The following SPEG variants were observed in gnomAD, a reference collection of about 807,000 sequenced individuals.
The protein encoded by SPEG is striated muscle preferentially expressed protein kinase.
In SPEG, 114 loss-of-function variants were observed where a neutral mutation model predicts 300.4. That is an observed-to-expected ratio of 0.38 (90% confidence interval 0.33 to 0.44). SPEG has a LOEUF of 0.44. SPEG is among the 20% of genes least tolerant of loss of function. The pLI is 1.00. For synonymous variants in SPEG, 1,964 were observed against 2,018.9 expected (o/e 0.97, Z 0.73); for missense variants, 4,201 against 4,586.2 (o/e 0.92, Z 2.43).
At chr2:219,478,190 G>A in intron 22 of SPEG, 85 bp downstream of exon 22, 1 of 1,206,388 alleles carries the variant, frequency 8.3e-7, no homozygotes. Context: ...ATGTTTTACA[G>A]TTTACAAAGT....
chr2:219,478,771 G>C (rs1332021036), intron 22 of SPEG, among the ~76,000 whole-genome samples: 1 of 152,188 alleles, frequency 6.6e-6, no homozygotes, highest in African/African-American at 2.4e-5. Context: ...TTCTCAAATA[G>C]AGTCAAGAAG....
At chr2:219,466,988 A>T (rs1041678769) in intron 9 of SPEG, 186 bp from the exon 10 acceptor site, 3 of 1,039,436 alleles carry the variant, frequency 2.9e-6, no homozygotes, top group African/African-American at 3.3e-5. Context: ...TTGGATTGCC[A>T]TCTCAAAGCC....
At position 219,462,655 on chromosome 2, in the gene SPEG, G is replaced by A. The variant is rs1484580037; in HGVS notation, c.2705+269G>A. ...TAAATGACTGGGTGCGGTGGCTCACGCCTGTAATCCCAGCATTTTGAGAGG... is the reference window on the plus strand; with the variant it reads ...TAAATGACTGGGTGCGGTGGCTCACACCTGTAATCCCAGCATTTTGAGAGG... On this transcript the variant is annotated intron_variant, in intron 8 of 40. Transcript: ENST00000312358. Among the ~76,000 whole-genome samples, 8 of 152,344 alleles carry A rather than the reference G, an allele frequency of 5.3e-5. 1 individual carries two copies. The highest frequency in any genetic ancestry group is 1.9e-4 in the African/African-American group (8 of 41,594).
At position 219,449,037 on chromosome 2, in the gene SPEG, C is replaced by A. The variant is rs755608022; in HGVS notation, c.1879C>A (p.Pro627Thr). Residue 627 changes from proline to threonine, a missense_variant, in exon 4 of 41, where the codon CCC (proline) becomes ACC (threonine). Around this residue, in one of 4 missense-constraint regions of SPEG, gnomAD observed 1,258 missense variants for 1,293.9 expected, o/e 0.97. Transcript: ENST00000312358. ...DPPEARTKAP[P>T]GRKREPPAQA... is the part of the protein sequence containing the mutation. ...CCCAGAGGCCAGGACGAAAGCACCC[C>A]CCGGTCGGAAGCGGGAGCCCCCGGC... is the stretch of plus-strand genomic sequence containing the variant. The A allele has an allele frequency of 6.6e-7, 1 of 1,520,148 alleles. No homozygotes were observed. The highest frequency in any genetic ancestry group is 8.8e-7 in the Non-Finnish European group (1 of 1,133,926). The allele number at this position is 1,520,148 out of a possible 1,614,324, so 94.2% of individuals were successfully genotyped here.
In SPEG at chr2:219,477,104, G is replaced by C; in HGVS notation, c.4560+122G>C. ...CAGAGGCGTGGTTAGGAGGAGGAAAGGGGCTGCAGAGGACTGACTAGCTGA... is the reference window on the plus strand; with the variant it reads ...CAGAGGCGTGGTTAGGAGGAGGAAACGGGCTGCAGAGGACTGACTAGCTGA... On this transcript the variant is annotated intron_variant, in intron 19 of 40. Transcript: ENST00000312358. This position sits in a 1 kb window ranked among gnomAD's most constrained non-coding sequence, Gnocchi z 6.4. 9.6e-7 allele frequency: 1 copy of C among 1,042,154 alleles called. No homozygotes were observed. Among genetic ancestry groups the C allele is most frequent in the Non-Finnish European group, 1.4e-6 (1 of 725,058 alleles). The allele number at this position is 1,042,154 out of a possible 1,614,324, so 64.6% of individuals were successfully genotyped here.
rs762723731 is a variant in SPEG, at chr2:219,489,639, C to G, written c.8621C>G (p.Pro2874Arg). 5.6e-6 allele frequency: 9 copies of G among 1,614,006 alleles called. No individual in the cohort carries two copies. The highest frequency in any genetic ancestry group is 7.6e-6 in the Non-Finnish European group (9 of 1,180,004). The change falls in exon 36 of 41, where the codon CCT becomes CGT. Residue 2874 changes from proline (P) to arginine (R), a missense_variant. Coordinates refer to ENST00000312358, the MANE Select transcript of SPEG (RefSeq NM_005876.5). ...STHVTPSEPK[P>R]FVLDTGTPIP... Reference sequence around the variant, plus strand: ...CACGTCACCCCAAGTGAGCCCAAGCCTTTCGTCCTTGACACTGGGACCCCG... The same window carrying G: ...CACGTCACCCCAAGTGAGCCCAAGCGTTTCGTCCTTGACACTGGGACCCCG...
At position 219,468,942 on chromosome 2, in the gene SPEG, G is replaced by A. The variant is rs754651940; in HGVS notation, c.3385G>A (p.Glu1129Lys). ...ACTGCACATTGCCCATGTGGGCAGC[G>A]AGGACGAGGGGCTCTATGCGGTCAG... ...HSLHIAHVGS[E>K]DEGLYAVSAV... Residue 1129 changes from glutamate to lysine, a missense_variant, in exon 12 of 41, where the codon GAG (glutamate) becomes AAG (lysine). Physicochemically the swap from Glu to Lys is moderately conservative, Grantham distance 56. Transcript: ENST00000312358. 5.0e-6 allele frequency: 8 copies of A among 1,613,864 alleles called. No individual in the cohort carries two copies. In the African/African-American group the frequency reaches 6.7e-5, roughly 13 times the overall value.
intron 6 of SPEG, among the ~76,000 whole-genome samples, chr2:219,457,260 C>T (rs1457627304): frequency 6.6e-6 from 1 of 152,212 alleles, no homozygotes; most frequent in African/African-American, 2.4e-5. Context: ...CAGCCTATCA[C>T]TCCCTTCCTC....
Position 219,481,770 on chromosome 2 carries a change from A to C in SPEG, c.5565+90A>C. On this transcript the variant is annotated intron_variant, in intron 28 of 40. Transcript: ENST00000312358. The surrounding 1 kb of genome is among the most constrained non-coding windows in gnomAD (Gnocchi z 5.4). The stretch of plus-strand genomic sequence containing the variant: ...TATTTATTGAGTACCTACTGTGTGC[A>C]GTAACCACGTTAGGCATTGTATGTA... 1.7e-6 allele frequency: 2 copies of C among 1,161,712 alleles called. No homozygotes were observed. Among genetic ancestry groups the C allele is most frequent in the East Asian group, 4.7e-5 (2 of 42,478 alleles). The allele number at this position is 1,161,712 out of a possible 1,614,324, so 72.0% of individuals were successfully genotyped here. A position where few individuals can be genotyped will look rare whatever the true frequency, so the allele number is the denominator to read the frequency against.
At chr2:219,462,456 T>C (rs1690810734) in intron 8 of SPEG, 70 bp downstream of exon 8, 1 of 1,299,638 alleles carries the variant, frequency 7.7e-7, no homozygotes, top group African/African-American at 1.5e-5. Context: ...GGTCTGGCTT[T>C]GGGTGGAAGG....
At chr2:219,462,814 A>T (rs1305965553) in intron 8 of SPEG, among the ~76,000 whole-genome samples, 1 of 152,220 alleles carries the variant, frequency 6.6e-6, no homozygotes, top group Non-Finnish European at 1.5e-5. Flanking sequence ...GCTACTTGGG[A>T]GGCTGAGGCA....
In SPEG at chr2:219,481,785, C is replaced by A; in HGVS notation, c.5565+105C>A. 1 of 981,832 alleles carries A rather than the reference C, an allele frequency of 1.0e-6. No homozygotes were observed. Among genetic ancestry groups the A allele is most frequent in the Non-Finnish European group, 1.6e-6 (1 of 613,590 alleles). 60.8% of individuals were successfully genotyped at this position (981,832 alleles called of 1,614,324 possible). On this transcript the variant is annotated intron_variant, in intron 28 of 40. Coordinates refer to ENST00000312358, the MANE Select transcript of SPEG (RefSeq NM_005876.5). The surrounding 1 kb of genome is among the most constrained non-coding windows in gnomAD (Gnocchi z 5.4). The stretch of plus-strand genomic sequence containing the variant: ...TACTGTGTGCAGTAACCACGTTAGG[C>A]ATTGTATGTACATATGACGTATTAG...
intron 3 of SPEG, among the ~76,000 whole-genome samples, chr2:219,447,215 G>C (rs949691903): frequency 3.8e-3 from 2 of 532 alleles, no homozygotes; most frequent in Admixed American, 0.045. Flanking sequence ...TATCCCTGTG[G>C]GGGGGGGCCT....
At position 219,481,361 on chromosome 2, in the gene SPEG, C is replaced by T; in HGVS notation, c.5427C>T (p.Ile1809=). The T allele has an allele frequency of 6.2e-7, 1 of 1,614,158 alleles. No homozygotes were observed. The highest frequency in any genetic ancestry group is 8.5e-7 in the Non-Finnish European group (1 of 1,180,036). The change falls in exon 27 of 41, where the codon ATC becomes ATT. Residue 1809 remains isoleucine, a synonymous_variant. Coordinates refer to ENST00000312358, the MANE Select transcript of SPEG (RefSeq NM_005876.5). This position sits in a 1 kb window ranked among gnomAD's most constrained non-coding sequence, Gnocchi z 5.4. ...GENDRTTLMN[I]RNYNVAFEET... ...ATGACCGGACAACATTGATGAACAT[C>T]CGAAACTACAACGTGGCCTTCGAGG...
In SPEG at chr2:219,444,671, A is replaced by G. The variant is rs769727341; in HGVS notation, c.407A>G (p.Asp136Gly). Residue 136 changes from aspartate to glycine, a missense_variant, in exon 2 of 41, where the codon GAT (aspartate) becomes GGT (glycine). By Grantham distance (94) the Asp-to-Gly change is moderately conservative. Coordinates refer to ENST00000312358, the MANE Select transcript of SPEG (RefSeq NM_005876.5). This position sits in a 1 kb window ranked among gnomAD's most constrained non-coding sequence, Gnocchi z 7.8. ...TCTCCAGACTCAGAGACGGCTGAGG[A>G]TGACATCAGCGATGTGCAGGGAACC... ...LEVGDSETAE[D>G]DISDVQGTQR... The G allele has an allele frequency of 1.2e-6, 2 of 1,613,952 alleles. No individual in the cohort carries two copies. Among genetic ancestry groups the G allele is most frequent in the Non-Finnish European group, 1.7e-6 (2 of 1,179,884 alleles).
Position 219,480,560 on chromosome 2 carries a change from G to T in SPEG, c.5343-111G>T, listed in dbSNP as rs773638449. The T allele has an allele frequency of 1.8e-6, 2 of 1,095,460 alleles. No individual in the cohort carries two copies. Among genetic ancestry groups the T allele is most frequent in the Non-Finnish European group, 2.8e-6 (2 of 712,592 alleles). 67.9% of individuals were successfully genotyped at this position (1,095,460 alleles called of 1,614,324 possible). ...GCCACTCCTGTGCCCATTGTCCATG[G>T]CAGTGTTCCCAGGGAGGTAACAGCT... On this transcript the variant is annotated intron_variant, in intron 25 of 40. Coordinates refer to ENST00000312358, the MANE Select transcript of SPEG (RefSeq NM_005876.5). The surrounding 1 kb of genome is among the most constrained non-coding windows in gnomAD (Gnocchi z 5.3).
rs752669439 is a variant in SPEG, at chr2:219,483,071, G to A, written c.5635-27G>A. On this transcript the variant is annotated intron_variant, in intron 29 of 40. Transcript: ENST00000312358. ...ACAATCCTGCCCCAGGGGTCCCTCA[G>A]GTCTGACTCCAGTACCCTGTCTCCA... 129 of 1,591,434 alleles carry A rather than the reference G, an allele frequency of 8.1e-5. No individual in the cohort carries two copies. The Admixed American group carries it at 2.2e-3, about 27-fold the overall frequency.
intron 9 of SPEG, chr2:219,465,988 T>C (rs1228652087): frequency 8.2e-6 from 11 of 1,348,924 alleles, no homozygotes; most frequent in Admixed American, 3.5e-5. Flanking sequence ...CATGTGTGTG[T>C]GTGCGCGTGC....
chr2:219,442,095 G>C, intron 1 of SPEG: 5 of 1,189,914 alleles, frequency 4.2e-6, no homozygotes, highest in Non-Finnish European at 5.3e-6. Context: ...TGAGGGCTCC[G>C]GGGGCGGGCG....
Sources: gnomAD v4.1 joint callset for allele counts (sites outside exome capture counted in the v4.1 genomes callset) on GRCh38, gnomAD v4.1.1 for gene constraint, gnomAD v4.1.1 regional missense constraint, Gnocchi (gnomAD v3.1) non-coding constraint, MANE v1.5 for transcripts, NCBI Gene and HGNC (gene_info 2026-07-23, HGNC 2026-07-21) for gene names.